The following RANBP17 variants were observed in gnomAD, a reference collection of about 807,000 sequenced individuals.
RANBP17 encodes ran-binding protein 17.
RANBP17 carries 158 observed loss-of-function variants against 141.2 expected under a neutral mutation model. The observed-to-expected ratio is 1.12, with a 90% CI of 0.98 to 1.28. The LOEUF (loss-of-function observed/expected upper bound fraction) is 1.28. Ranked by LOEUF, RANBP17 falls within the 50% of genes most tolerant of loss-of-function variation. RANBP17 has a pLI of 0.00. For missense variants in RANBP17, 1,438 were observed against 1,290.7 expected (o/e 1.11, Z -1.75); for synonymous variants, 430 against 450.0 (o/e 0.96, Z 0.56).
At chr5:171,250,400 TAGTA>T (rs1454270929) in intron 24 of RANBP17, among the ~76,000 whole-genome samples, 2 of 151,648 alleles carry the variant, frequency 1.3e-5, no homozygotes, top group South Asian at 2.1e-4. Flanking sequence ...AAACCACAAT[TAGTA>T]AGAGAAAAAG....
At position 171,299,666 on chromosome 5, in the gene RANBP17, C is replaced by T. The variant is rs74730061; in HGVS notation, c.*808C>T. The T allele has an allele frequency of 9.3e-3, 2,126 of 228,914 alleles. 33 individuals are homozygous for T. The highest frequency in any genetic ancestry group is 0.042 in the African/African-American group (1,911 of 45,176). 14.2% of individuals were successfully genotyped at this position (228,914 alleles called of 1,614,324 possible). A position where few individuals can be genotyped will look rare whatever the true frequency, so the allele number is the denominator to read the frequency against. ...TATTAGAATATAATATTTGAAGCAG[C>T]TCTGCCTTCTTAGGGCTACCCAAAA... is the stretch of plus-strand genomic sequence containing the variant. On this transcript the variant is annotated 3_prime_UTR_variant, in exon 28 of 28. Coordinates refer to ENST00000523189, the MANE Select transcript of RANBP17 (RefSeq NM_022897.5).
In RANBP17 at chr5:170,867,545, G is replaced by A. The variant is rs1767361870; in HGVS notation, c.18+5494G>A. On this transcript the variant is annotated intron_variant, in intron 1 of 27. Transcript: ENST00000523189. ...TAAGAGGAAGAAAAAAAGAGTTTGT[G>A]GGAAATGAGTAACTTCAAAATGAAG... 5.3e-5 allele frequency among the ~76,000 whole-genome samples: 8 copies of A among 152,202 alleles called. No homozygotes were observed. In the South Asian group the frequency reaches 1.5e-3, roughly 28 times the overall value.
intron 12 of RANBP17, 78 bp from the exon 13 acceptor site, chr5:170,953,519 G>A (rs930891): frequency 0.68 from 581,035 of 850,710 alleles, 202,826 homozygotes; most frequent in South Asian, 0.89. Context: ...TCATTGTGCT[G>A]ATTTTGGAAT....
intron 14 of RANBP17, among the ~76,000 whole-genome samples, chr5:171,121,062 G>T (rs1303125209): frequency 6.6e-6 from 1 of 152,194 alleles, no homozygotes; most frequent in Non-Finnish European, 1.5e-5. Context: ...TTATGGTGGC[G>T]GTGGTCCAGC....
chr5:171,151,358 T>C (rs1383581681), intron 14 of RANBP17, among the ~76,000 whole-genome samples: 1 of 152,230 alleles, frequency 6.6e-6, no homozygotes, highest in Non-Finnish European at 1.5e-5. Flanking sequence ...TTTGGTTTTT[T>C]AGTTAGGATA....
chr5:171,068,783 A>T (rs1691566620), intron 14 of RANBP17, among the ~76,000 whole-genome samples: 1 of 151,862 alleles, frequency 6.6e-6, no homozygotes. Flanking sequence ...TAGAGACAGG[A>T]TTTCACCATG....
chr5:171,006,715 TGCACA>T (rs1779643865), intron 14 of RANBP17, among the ~76,000 whole-genome samples: 1 of 149,538 alleles, frequency 6.7e-6, no homozygotes, highest in African/African-American at 2.5e-5. Flanking sequence ...CTGCACATTG[TGCACA>T]TGTACTCTAA....
chr5:171,236,734 G>A (rs1054411295), intron 22 of RANBP17, among the ~76,000 whole-genome samples: 4 of 152,002 alleles, frequency 2.6e-5, no homozygotes, highest in Non-Finnish European at 5.9e-5. Flanking sequence ...TTTACTCCAC[G>A]TAAGAGCCTT....
intron 14 of RANBP17, among the ~76,000 whole-genome samples, chr5:171,059,434 T>G (rs190039522): frequency 7.6e-4 from 115 of 152,276 alleles, no homozygotes; most frequent in African/African-American, 2.6e-3. Context: ...CTTTCCCCAT[T>G]GCTTGTTTTT....
chr5:171,165,059 G>T (rs1023441612), intron 14 of RANBP17, among the ~76,000 whole-genome samples: 1 of 152,184 alleles, frequency 6.6e-6, no homozygotes, highest in East Asian at 1.9e-4. Flanking sequence ...AGCACCTACT[G>T]TGCAGAAGGG....
At chr5:170,887,341 G>A (rs1394746980) in intron 3 of RANBP17, among the ~76,000 whole-genome samples, 1 of 152,110 alleles carries the variant, frequency 6.6e-6, no homozygotes, top group Non-Finnish European at 1.5e-5. Context: ...TGCCTTTGGT[G>A]TTGCATCTAA....
rs982378553 is a variant in RANBP17, at chr5:171,109,452, T to C, written c.1711-60678T>C. Among the ~76,000 whole-genome samples, 6 of 152,230 alleles carry C rather than the reference T, an allele frequency of 3.9e-5. No homozygotes were observed. The East Asian group carries it at 1.2e-3, about 29-fold the overall frequency. ...ATTTATTGAAGTTTTAATTGTAATT[T>C]GACTATGCATATTGTTTTGAAATGA... On this transcript the variant is annotated intron_variant, in intron 14 of 27. Transcript: ENST00000523189.
chr5:170,896,977 GGCT>G, intron 5 of RANBP17: 1 of 1,061,294 alleles, frequency 9.4e-7, no homozygotes, highest in Non-Finnish European at 1.4e-6. Flanking sequence ...AAACCAGATT[GGCT>G]GCTGCTTCTG....
chr5:170,954,623 T>G (rs1464979885), intron 13 of RANBP17, among the ~76,000 whole-genome samples: 1 of 150,488 alleles, frequency 6.6e-6, no homozygotes, highest in East Asian at 2.0e-4. Flanking sequence ...ACATTAAATT[T>G]TCTAAATTTA....
At chr5:170,908,542 T>A (rs1447756283) in intron 5 of RANBP17, among the ~76,000 whole-genome samples, 1 of 148,704 alleles carries the variant, frequency 6.7e-6, no homozygotes, top group African/African-American at 2.5e-5. Context: ...GGGTAAAGGT[T>A]GAAAAACTGA....
At chr5:170,919,805 T>C (rs1028733358) in intron 11 of RANBP17, among the ~76,000 whole-genome samples, 192 bp downstream of exon 11, 3 of 152,096 alleles carry the variant, frequency 2.0e-5, no homozygotes, top group African/African-American at 2.4e-5. Context: ...TTCTTTTGGC[T>C]CCTTTTTCAG....
At chr5:170,939,360 T>C (rs1774138614) in intron 12 of RANBP17, among the ~76,000 whole-genome samples, 1 of 78,196 alleles carries the variant, frequency 1.3e-5, no homozygotes, top group South Asian at 3.7e-4. Context: ...AAAATTTTAT[T>C]TTATTTATTT....
At chr5:171,121,198 G>A (rs537773138) in intron 14 of RANBP17, among the ~76,000 whole-genome samples, 2 of 152,224 alleles carry the variant, frequency 1.3e-5, no homozygotes, top group South Asian at 2.1e-4. Flanking sequence ...GCATGTGTAC[G>A]CAGTTGCTCG....
chr5:170,903,743 A>G (rs984705469), intron 5 of RANBP17: 6 of 309,768 alleles, frequency 1.9e-5, no homozygotes, highest in African/African-American at 1.4e-4. Context: ...TGAATTCTGG[A>G]AAGTTGGGTA....
Sources: allele counts gnomAD v4.1 joint callset (sites outside exome capture counted in the v4.1 genomes callset), GRCh38; gene constraint gnomAD v4.1.1; transcripts MANE v1.5; gene names NCBI Gene and HGNC (gene_info 2026-07-23, HGNC 2026-07-21).